NSDHL: variants seen among roughly 807,000 people sequenced by gnomAD.
NSDHL encodes the protein NAD(P) dependent 3-beta-hydroxysteroid dehydrogenase NSDHL.
Under a neutral mutation model 23.0 loss-of-function variants are expected in NSDHL, and 1 was observed. That is an observed-to-expected ratio of 0.04 (90% CI 0.02 to 0.21). The LOEUF (loss-of-function observed/expected upper bound fraction) is 0.21. NSDHL is among the 10% of genes least tolerant of loss of function. The probability of loss-of-function intolerance (pLI) is 1.00; values close to 1 mark genes in which losing one functional copy is unlikely to be tolerated. For synonymous variants in NSDHL, 128 were observed against 121.1 expected (o/e 1.06, Z -0.37); for missense variants, 237 against 300.9 (o/e 0.79, Z 1.57).
In NSDHL at chrX:152,849,897, C is replaced by CA. The variant is rs781914884; in HGVS notation, c.109-367dup. ...TGTCCTTAGAGAAGCGCCCAGGGATCAGCTATCGGGAACAAGAAGGTATCA... is the reference window on the plus strand; with the variant it reads ...TGTCCTTAGAGAAGCGCCCAGGGATCAAGCTATCGGGAACAAGAAGGTATCA... On this transcript the variant is annotated intron_variant, in intron 2 of 7. Coordinates refer to ENST00000370274, the MANE Select transcript of NSDHL (RefSeq NM_015922.3). Among the ~76,000 whole-genome samples the CA allele has an allele frequency of 1.5e-4, 17 of 112,634 alleles. No individual in the cohort carries two copies. In the East Asian group the frequency reaches 4.5e-3, roughly 30 times the overall value.
At chrX:152,861,284 A>G (rs1348776392) in intron 4 of NSDHL, among the ~76,000 whole-genome samples, 1 of 113,076 alleles carries the variant, frequency 8.8e-6, no homozygotes, top group East Asian at 2.8e-4. Flanking sequence ...CATTTATTGC[A>G]TAATCCATCC....
Position 152,868,956 on chromosome X carries a change from A to G in NSDHL, c.962A>G (p.Gln321Arg). Residue 321 changes from glutamine (Q) to arginine (R), a missense_variant, in exon 8 of 8, where the codon CAG (glutamine) becomes CGG (arginine). Coordinates refer to ENST00000370274, the MANE Select transcript of NSDHL (RefSeq NM_015922.3). ...GTGATCAGTCCTGTCATCCAGCTGC[A>G]GCCCACCTTCACACCCATGCGGGTC... ...VMVISPVIQL[Q>R]PTFTPMRVAL... The G allele has an allele frequency of 2.5e-6, 3 of 1,212,140 alleles. No individual in the cohort carries two copies. The highest frequency in any genetic ancestry group is 3.3e-6 in the Non-Finnish European group (3 of 895,608).
intron 3 of NSDHL, among the ~76,000 whole-genome samples, chrX:152,853,992 T>C (rs782428255): frequency 6.8e-4 from 77 of 112,701 alleles, no homozygotes; most frequent in Non-Finnish European, 1.1e-3. Flanking sequence ...AAATTTGTCC[T>C]CTCTACCATA....
At chrX:152,856,051 T>C (rs1933440174) in intron 3 of NSDHL, among the ~76,000 whole-genome samples, 1 of 112,454 alleles carries the variant, frequency 8.9e-6, no homozygotes. Flanking sequence ...GAATAACTGA[T>C]GTTTAGTAGA....
intron 5 of NSDHL, among the ~76,000 whole-genome samples, chrX:152,865,423 TC>T (rs1490766928): frequency 8.9e-6 from 1 of 112,784 alleles, no homozygotes; most frequent in Non-Finnish European, 1.9e-5. Flanking sequence ...GCAGTTCAAG[TC>T]ACTGGAGGCT....
At chrX:152,855,296 G>A (rs1191293372) in intron 3 of NSDHL, among the ~76,000 whole-genome samples, 4 of 111,392 alleles carry the variant, frequency 3.6e-5, no homozygotes, top group East Asian at 2.8e-4. Context: ...TTGCCACCGC[G>A]CCCGGCCCAT....
intron 3 of NSDHL, among the ~76,000 whole-genome samples, chrX:152,852,529 C>CTTG (rs59096789): frequency 1.8e-5 from 2 of 109,944 alleles, no homozygotes; most frequent in African/African-American, 6.6e-5. Flanking sequence ...AACACCTACA[C>CTTG]TGTTTAATGG....
intron 2 of NSDHL, among the ~76,000 whole-genome samples, chrX:152,848,485 A>G (rs782591676): frequency 8.9e-6 from 1 of 112,815 alleles, no homozygotes; most frequent in African/African-American, 3.2e-5. Context: ...ACATTTCAAT[A>G]TCATAAAATA....
intron 2 of NSDHL, among the ~76,000 whole-genome samples, chrX:152,848,912 A>G (rs17320429): frequency 0.039 from 4,431 of 112,771 alleles, 99 homozygotes; most frequent in Non-Finnish European, 0.057. Flanking sequence ...GGTGCAAATC[A>G]TGTAACCTGG....
chrX:152,868,199 G>A (rs1368933100), intron 7 of NSDHL, among the ~76,000 whole-genome samples: 2 of 105,933 alleles, frequency 1.9e-5, no homozygotes, highest in East Asian at 2.9e-4. Flanking sequence ...GTGCAGTGGC[G>A]TGATCTCGGT....
At chrX:152,833,116 T>G in intron 1 of NSDHL, among the ~76,000 whole-genome samples, 1 of 110,499 alleles carries the variant, frequency 9.0e-6, no homozygotes, top group African/African-American at 3.3e-5. Context: ...TTCTTTTCTC[T>G]AGCTTAATTT....
At chrX:152,866,914 G>T (rs1320051101) in intron 6 of NSDHL, among the ~76,000 whole-genome samples, 2 of 111,685 alleles carry the variant, frequency 1.8e-5, no homozygotes, top group Non-Finnish European at 3.8e-5. Flanking sequence ...ACCCTGTTTG[G>T]AAATTGAAGA....
At chrX:152,867,702 A>G (rs782099192) in intron 7 of NSDHL, 29 bp downstream of exon 7, 2 of 1,031,597 alleles carry the variant, frequency 1.9e-6, no homozygotes, top group Non-Finnish European at 2.7e-6. Context: ...GTCCCTGCAC[A>G]GGTGCCTTTC....
In NSDHL at chrX:152,869,050, A is replaced by G; in HGVS notation, c.1056A>G (p.Leu352=). 2 of 1,212,158 alleles carry G rather than the reference A, an allele frequency of 1.6e-6. No homozygotes were observed. The highest frequency in any genetic ancestry group is 1.1e-6 in the Non-Finnish European group (1 of 895,519). The part of the protein sequence containing the change: ...RAKKAMGYQP[L]VTMDDAMERT... ...AAAAGGCCATGGGCTACCAGCCACT[A>G]GTGACCATGGATGATGCTATGGAGA... Residue 352 remains leucine, a synonymous_variant, in exon 8 of 8, where the codon CTA becomes CTG. Transcript: ENST00000370274.
chrX:152,836,543 C>G (rs1213896038), intron 1 of NSDHL, among the ~76,000 whole-genome samples: 1 of 111,896 alleles, frequency 8.9e-6, no homozygotes, highest in African/African-American at 3.2e-5. Flanking sequence ...TTCCCAGCAC[C>G]ATTTATTAAA....
At chrX:152,863,844 C>T (rs1933565029) in intron 5 of NSDHL, among the ~76,000 whole-genome samples, 1 of 112,021 alleles carries the variant, frequency 8.9e-6, no homozygotes, top group Non-Finnish European at 1.9e-5. Context: ...CCGGTACATG[C>T]TGTACTGGAG....
chrX:152,867,116 CCTCT>C (rs1252582489), intron 6 of NSDHL, among the ~76,000 whole-genome samples: 8 of 111,908 alleles, frequency 7.1e-5, no homozygotes, highest in Admixed American at 6.6e-4. Context: ...CTCCTTTTCT[CCTCT>C]CTCTCTTCCT....
chrX:152,856,309 A>G (rs925732373), intron 3 of NSDHL, among the ~76,000 whole-genome samples: 8 of 112,537 alleles, frequency 7.1e-5, no homozygotes, highest in Non-Finnish European at 1.1e-4. Context: ...TACAGAAAAA[A>G]GGAATGTAAC....
At chrX:152,839,426 G>C (rs2125003556) in intron 1 of NSDHL, among the ~76,000 whole-genome samples, 1 of 112,351 alleles carries the variant, frequency 8.9e-6, no homozygotes, top group South Asian at 3.7e-4. Context: ...TGTTTTTGCA[G>C]TGGCTGGTAC....
Sources: gnomAD v4.1 joint callset for allele counts (sites outside exome capture counted in the v4.1 genomes callset) on GRCh38, gnomAD v4.1.1 for gene constraint, MANE v1.5 for transcripts, NCBI Gene and HGNC (gene_info 2026-07-23, HGNC 2026-07-21) for gene names.